The following CACNA1G variants were observed in gnomAD, a reference collection of about 807,000 sequenced individuals.
The protein encoded by CACNA1G is voltage-dependent T-type calcium channel subunit alpha-1G.
In CACNA1G, 67 loss-of-function variants were observed where a neutral mutation model predicts 219.4. That is an observed-to-expected ratio of 0.31 (90% CI 0.25 to 0.37). CACNA1G has a LOEUF of 0.37. Among genes scored for constraint, CACNA1G ranks in the 10% least tolerant of loss-of-function variants. The pLI, the probability that CACNA1G is intolerant of heterozygous loss-of-function variation, is 1.00. For synonymous variants in CACNA1G, 1,296 were observed against 1,345.3 expected (o/e 0.96, Z 0.80); for missense variants, 2,380 against 3,231.4 (o/e 0.74, Z 6.39).
At chr17:50,620,079 G>A (rs1471492462) in intron 34 of CACNA1G, among the ~76,000 whole-genome samples, 5 of 152,080 alleles carry the variant, frequency 3.3e-5, no homozygotes, top group African/African-American at 9.7e-5. Context: ...GAGGAGCTTG[G>A]GGAGGGGAGA....
Position 50,596,900 on chromosome 17 carries a change from G to A in CACNA1G, c.3235G>A (p.Ala1079Thr), listed in dbSNP as rs2045668791. ...CAGCAGCGGGTCGGCAGAGCCTGGG[G>A]CGGCCCACGAGATGAAGTCACCGGT... ...TSSSGSAEPG[A>T]AHEMKSPPSA... The change falls in exon 16 of 38, where the codon GCG (alanine) becomes ACG (threonine). Residue 1079 changes from alanine (A) to threonine (T), a missense_variant. By Grantham distance (58) the Ala-to-Thr change is moderately conservative (BLOSUM62 0). Around this residue, in one of 17 missense-constraint regions of CACNA1G, gnomAD observed 418 missense variants for 434.3 expected, o/e 0.96. Transcript: ENST00000359106. This position sits in a 1 kb window ranked among gnomAD's most constrained non-coding sequence, Gnocchi z 4.8. 1.9e-6 allele frequency: 3 copies of A among 1,571,258 alleles called. No individual in the cohort carries two copies. Among genetic ancestry groups the A allele is most frequent in the East Asian group, 2.3e-5 (1 of 43,092 alleles).
At chr17:50,581,991 A>G (rs1383275233) in intron 9 of CACNA1G, among the ~76,000 whole-genome samples, 1 of 151,490 alleles carries the variant, frequency 6.6e-6, no homozygotes, top group Non-Finnish European at 1.5e-5. Context: ...GCTGGTTTTA[A>G]GCTACCAACA....
In CACNA1G at chr17:50,624,031, G is replaced by C; in HGVS notation, c.6185G>C (p.Gly2062Ala). Residue 2062 changes from glycine (G) to alanine (A), a missense_variant, in exon 36 of 38, where the codon GGG (glycine) becomes GCG (alanine). By Grantham distance (60) the Gly-to-Ala change is moderately conservative. Around this residue, in one of 17 missense-constraint regions of CACNA1G, gnomAD observed 672 missense variants for 670.5 expected, o/e 1.00. Coordinates refer to ENST00000359106, the MANE Select transcript of CACNA1G (RefSeq NM_018896.5). ...YMCRHGSTAEGPLGHRGWGLP... is the reference protein window; with the variant it reads ...YMCRHGSTAEAPLGHRGWGLP... ...TGTCGGCATGGGAGCACTGCCGAGG[G>C]GCCCCTGGGACACAGGGGCTGGGGG... The C allele has an allele frequency of 6.2e-7, 1 of 1,612,766 alleles. No homozygotes were observed. The highest frequency in any genetic ancestry group is 1.1e-5 in the South Asian group (1 of 91,068).
At chr17:50,591,383 A>T in intron 10 of CACNA1G, 52 bp from the exon 11 acceptor site, 2 of 1,445,772 alleles carry the variant, frequency 1.4e-6, no homozygotes. Context: ...CCGAGGGAGT[A>T]GGGGGAGAGG....
rs1034544772 is a variant in CACNA1G, at chr17:50,569,308, T to G, written c.488+10T>G. The G allele has an allele frequency of 5.6e-6, 9 of 1,612,998 alleles. No homozygotes were observed. Among genetic ancestry groups the G allele is most frequent in the Non-Finnish European group, 6.8e-6 (8 of 1,179,730 alleles). On this transcript the variant is annotated intron_variant, in intron 3 of 37. Transcript: ENST00000359106. Reference sequence around the variant, plus strand: ...TCATCGTCATCGCAGGGTGAGGACCTGGGCTGGGGTGGGAGAGCAATGGAT... The same window carrying G: ...TCATCGTCATCGCAGGGTGAGGACCGGGGCTGGGGTGGGAGAGCAATGGAT...
At chr17:50,595,419 T>C (rs1001402486) in intron 14 of CACNA1G, among the ~76,000 whole-genome samples, 1 of 152,196 alleles carries the variant, frequency 6.6e-6, no homozygotes, top group African/African-American at 2.4e-5. Flanking sequence ...GTCCCAGACG[T>C]CCGGCTTCAG....
chr17:50,623,263 ATTTTTTTT>A (rs35058899), intron 35 of CACNA1G, among the ~76,000 whole-genome samples: 34 of 50,986 alleles, frequency 6.7e-4, no homozygotes, highest in African/African-American at 3.1e-3. Flanking sequence ...TATCCAGCTA[ATTTTTTTT>A]TTTTTTTTTT....
chr17:50,623,653 G>C (rs555574415), intron 35 of CACNA1G, among the ~76,000 whole-genome samples: 66 of 151,974 alleles, frequency 4.3e-4, no homozygotes, highest in Non-Finnish European at 8.4e-4. Flanking sequence ...TGCAGGGGGT[G>C]GGGGGCAGGG....
At chr17:50,583,988 C>T (rs761778164) in intron 9 of CACNA1G, among the ~76,000 whole-genome samples, 15 of 152,160 alleles carry the variant, frequency 9.9e-5, no homozygotes, top group South Asian at 4.2e-4. Flanking sequence ...TTCTCTGGGC[C>T]GGGGCACCTT....
chr17:50,598,055 G>A (rs961491661), intron 16 of CACNA1G, among the ~76,000 whole-genome samples: 7 of 151,280 alleles, frequency 4.6e-5, no homozygotes, highest in African/African-American at 1.7e-4. Flanking sequence ...TTTCCTTTCC[G>A]CTCTGTCGCC....
In CACNA1G at chr17:50,621,536, T is replaced by C. The variant is rs1177551590; in HGVS notation, c.5926-124T>C. 1.8e-6 allele frequency: 2 copies of C among 1,090,554 alleles called. No individual in the cohort carries two copies. The highest frequency in any genetic ancestry group is 3.0e-5 in the South Asian group (2 of 65,574). 67.6% of individuals were successfully genotyped at this position (1,090,554 alleles called of 1,614,324 possible). A position where few individuals can be genotyped will look rare whatever the true frequency, so the allele number is the denominator to read the frequency against. On this transcript the variant is annotated intron_variant, in intron 34 of 37. Transcript: ENST00000359106. This position sits in a 1 kb window ranked among gnomAD's most constrained non-coding sequence, Gnocchi z 4.6. ...TGGGGAGAGAGAAGGGATGCCTTTT[T>C]CCCGCCCCCCTGTGCTTCGTGAAAA...
chr17:50,605,335 G>C (rs910467211), intron 22 of CACNA1G, among the ~76,000 whole-genome samples: 5 of 152,168 alleles, frequency 3.3e-5, no homozygotes, highest in Non-Finnish European at 7.4e-5. Context: ...CTACCTGCTG[G>C]CTATGGGACC....
rs987308687 is a variant in CACNA1G, at chr17:50,575,535, C to A, written c.1141-8C>A. 1.2e-6 allele frequency: 2 copies of A among 1,601,008 alleles called. No homozygotes were observed. The highest frequency in any genetic ancestry group is 1.3e-5 in the African/African-American group (1 of 74,598). On this transcript the variant is annotated splice_polypyrimidine_tract_variant and splice_region_variant and intron_variant, in intron 7 of 37. Coordinates refer to ENST00000359106, the MANE Select transcript of CACNA1G (RefSeq NM_018896.5). Reference sequence around the variant, plus strand: ...GGACATTTCCTCTTCCTGTCCCCACCCCTACAGGTGGGCTCCTTCTTCATG... The same window carrying A: ...GGACATTTCCTCTTCCTGTCCCCACACCTACAGGTGGGCTCCTTCTTCATG...
Position 50,569,245 on chromosome 17 carries a change from G to A in CACNA1G, c.435G>A (p.Lys145=), listed in dbSNP as rs2038794559. 6.2e-7 allele frequency: 1 copy of A among 1,613,804 alleles called. No individual in the cohort carries two copies. The highest frequency in any genetic ancestry group is 8.5e-7 in the Non-Finnish European group (1 of 1,179,860). Residue 145 remains lysine (K), a synonymous_variant, in exon 3 of 38, where the codon AAG becomes AAA. Coordinates refer to ENST00000359106, the MANE Select transcript of CACNA1G (RefSeq NM_018896.5). The stretch of plus-strand genomic sequence containing the variant: ...TGGCCTTGGGCATCTTTGGGAAAAA[G>A]TGTTACCTGGGAGACACTTGGAACC... ...KMVALGIFGK[K]CYLGDTWNRL... is the part of the protein sequence containing the mutation.
Position 50,569,304 on chromosome 17 carries a change from G to A in CACNA1G, c.488+6G>A, listed in dbSNP as rs1439784645. 4.3e-6 allele frequency: 7 copies of A among 1,613,366 alleles called. No homozygotes were observed. The Admixed American group carries it at 1.0e-4, about 23-fold the overall frequency. On this transcript the variant is annotated splice_donor_region_variant and intron_variant, in intron 3 of 37. Transcript: ENST00000359106. ...TTTTTCATCGTCATCGCAGGGTGAG[G>A]ACCTGGGCTGGGGTGGGAGAGCAAT...
chr17:50,614,156 G>A (rs1252549406), intron 26 of CACNA1G, among the ~76,000 whole-genome samples: 1 of 152,186 alleles, frequency 6.6e-6, no homozygotes, highest in East Asian at 1.9e-4. Context: ...CCCACCCCAG[G>A]CCGCTCCTTG....
chr17:50,580,676 GTCC>G (rs2041763160), intron 9 of CACNA1G, among the ~76,000 whole-genome samples: 1 of 152,160 alleles, frequency 6.6e-6, no homozygotes, highest in African/African-American at 2.4e-5. Flanking sequence ...CTCCCACTAA[GTCC>G]TCAGCAGCAG....
intron 24 of CACNA1G, chr17:50,607,329 C>T (rs1438243251): frequency 2.6e-6 from 1 of 380,994 alleles, no homozygotes; most frequent in Non-Finnish European, 5.0e-6. Flanking sequence ...CATAGCAAGA[C>T]CCCCAGCTCT....
At chr17:50,612,607 CT>C (rs2049470186) in intron 26 of CACNA1G, among the ~76,000 whole-genome samples, 1 of 152,244 alleles carries the variant, frequency 6.6e-6, no homozygotes, top group African/African-American at 2.4e-5. Context: ...GGAGTGACCC[CT>C]GTCTTCTGCC....
Sources: gnomAD v4.1 joint callset for allele counts (sites outside exome capture counted in the v4.1 genomes callset) on GRCh38, gnomAD v4.1.1 for gene constraint, gnomAD v4.1.1 regional missense constraint, Gnocchi (gnomAD v3.1) non-coding constraint, MANE v1.5 for transcripts, NCBI Gene and HGNC (gene_info 2026-07-23, HGNC 2026-07-21) for gene names.